The following ACTN1 variants were observed in gnomAD, a reference collection of about 807,000 sequenced individuals.
The protein encoded by ACTN1 is actinin alpha 1.
Under a neutral mutation model 119.6 loss-of-function variants are expected in ACTN1, and 30 were observed. The ratio of observed to expected loss-of-function variants is 0.25; its 90% CI spans 0.19 to 0.34. The LOEUF is 0.34. ACTN1 is among the 10% of genes least tolerant of loss of function. The pLI is 1.00. For missense variants in ACTN1, 764 were observed against 1,223.4 expected (o/e 0.62, Z 5.60); for synonymous variants, 429 against 472.6 (o/e 0.91, Z 1.20).
At chr14:68,942,161 G>A (rs182205638) in intron 1 of ACTN1, among the ~76,000 whole-genome samples, 17 of 152,244 alleles carry the variant, frequency 1.1e-4, no homozygotes, top group African/African-American at 2.4e-5. Context: ...ACACTCCCAG[G>A]GAGCAGAACT....
In ACTN1 at chr14:68,925,336, TTTTTTA is replaced by T. The variant is rs1447357234; in HGVS notation, c.220+216_220+221del. The stretch of plus-strand genomic sequence containing the variant: ...TCAAACCCTTTTTTTTTTTTTTTTT[TTTTTTA>T]AAACAAACAAGGATGCTGAAACAAA... On this transcript the variant is annotated intron_variant, in intron 2 of 21. Transcript: ENST00000394419. This position sits in a 1 kb window ranked among gnomAD's most constrained non-coding sequence, Gnocchi z 4.3. Among the ~76,000 whole-genome samples, 1,045 of 149,364 alleles carry T rather than the reference TTTTTTA, an allele frequency of 7.0e-3. 10 individuals carry two copies. The highest frequency in any genetic ancestry group is 0.025 in the African/African-American group (981 of 39,652).
At chr14:68,924,332 TA>T (rs368774036) in intron 2 of ACTN1, among the ~76,000 whole-genome samples, 1,920 of 151,570 alleles carry the variant, frequency 0.013, 37 homozygotes, top group African/African-American at 0.044. Context: ...AAACTACTTT[TA>T]AAAAAAAAGG....
At chr14:68,924,427 C>G (rs941930315) in intron 2 of ACTN1, among the ~76,000 whole-genome samples, 2 of 152,208 alleles carry the variant, frequency 1.3e-5, no homozygotes, top group African/African-American at 4.8e-5. Context: ...GCCCCCACCC[C>G]ACAACTGGCA....
Position 68,925,534 on chromosome 14 carries a change from G to C in ACTN1, c.220+24C>G. ...AGGCAGCACCAATAGACAGTATCTC[G>C]TCCTGGGCCAGGTTCCGCCTCACCT... is the stretch of plus-strand genomic sequence containing the variant. On this transcript the variant is annotated intron_variant, in intron 2 of 21. Coordinates refer to ENST00000394419, the MANE Select transcript of ACTN1 (RefSeq NM_001130004.2). The surrounding 1 kb of genome is among the most constrained non-coding windows in gnomAD (Gnocchi z 4.3). The C allele has an allele frequency of 5.7e-6, 9 of 1,591,874 alleles. No individual in the cohort carries two copies. The highest frequency in any genetic ancestry group is 4.3e-6 in the Non-Finnish European group (5 of 1,162,998).
At chr14:68,899,180 C>T (rs2033116032) in intron 8 of ACTN1, among the ~76,000 whole-genome samples, 1 of 146,016 alleles carries the variant, frequency 6.8e-6, no homozygotes, top group Non-Finnish European at 1.5e-5. Flanking sequence ...TCACACCCTA[C>T]ACCTCACACC....
intron 1 of ACTN1, among the ~76,000 whole-genome samples, chr14:68,959,375 G>A (rs1427577542): frequency 1.3e-5 from 2 of 152,202 alleles, no homozygotes; most frequent in African/African-American, 4.8e-5. Flanking sequence ...TGTGTTCCAT[G>A]AAACTAATAC....
intron 3 of ACTN1, among the ~76,000 whole-genome samples, chr14:68,915,149 TA>T (rs1280200451): frequency 6.6e-6 from 1 of 152,092 alleles, no homozygotes. Flanking sequence ...CACCCTCTGC[TA>T]AAAAACCTCC....
chr14:68,877,395 G>A lies in ACTN1; in HGVS notation c.2428-155C>T, dbSNP rs557113033. The stretch of plus-strand genomic sequence containing the variant: ...CTGGGTTGTCCTAAGGGTATGATGG[G>A]GACACAACACCCAACAGGGGAGACC... On this transcript the variant is annotated intron_variant, in intron 20 of 21. Transcript: ENST00000394419. The A allele has an allele frequency of 8.2e-6, 7 of 852,614 alleles. No individual in the cohort carries two copies. In the East Asian group the frequency reaches 1.6e-4, roughly 20 times the overall value. The allele number at this position is 852,614 out of a possible 1,614,324, so 52.8% of individuals were successfully genotyped here.
rs149584688 is a variant in ACTN1 at position 68,945,018 on chromosome 14, T to A, written c.106-19346A>T. On this transcript the variant is annotated intron_variant, in intron 1 of 21. Transcript: ENST00000394419. ...CCTGTCTCTACTAAAAATACAAAAT[T>A]AGCTGGGTGTGGTGGCACGTGCCCA... Among the ~76,000 whole-genome samples, 578 of 151,884 alleles carry A rather than the reference T, an allele frequency of 3.8e-3. 1 individual carries two copies. The highest frequency in any genetic ancestry group is 0.013 in the African/African-American group (546 of 41,404).
intron 2 of ACTN1, chr14:68,921,327 CTCT>C: frequency 1.9e-6 from 1 of 531,168 alleles, no homozygotes; most frequent in Non-Finnish European, 3.1e-6. Flanking sequence ...TCTACCCTGC[CTCT>C]TCTTTCTTCT....
intron 1 of ACTN1, among the ~76,000 whole-genome samples, chr14:68,944,331 G>A (rs1425834935): frequency 2.6e-5 from 4 of 152,206 alleles, no homozygotes; most frequent in Admixed American, 6.5e-5. Context: ...GGACTGGCCC[G>A]ATGTTGGCAG....
In ACTN1 at chr14:68,978,428, C is replaced by A. The variant is rs574319232; in HGVS notation, c.105+524G>T. 1,295 of 347,328 alleles carry A rather than the reference C, an allele frequency of 3.7e-3. 28 individuals are homozygous for A. The highest frequency in any genetic ancestry group is 0.023 in the South Asian group (1,082 of 47,850). 21.5% of individuals were successfully genotyped at this position (347,328 alleles called of 1,614,324 possible). A position where few individuals can be genotyped will look rare whatever the true frequency, so the allele number is the denominator to read the frequency against. ...GGCAGATCCGGAGGCGGCCGCCGATCTCTCCGGCGCTCTCCCCTCCGCCTA... is the reference window on the plus strand; with the variant it reads ...GGCAGATCCGGAGGCGGCCGCCGATATCTCCGGCGCTCTCCCCTCCGCCTA... On this transcript the variant is annotated intron_variant, in intron 1 of 21. Coordinates refer to ENST00000394419, the MANE Select transcript of ACTN1 (RefSeq NM_001130004.2).
chr14:68,945,028 T>C (rs1164831855), intron 1 of ACTN1, among the ~76,000 whole-genome samples: 1 of 151,234 alleles, frequency 6.6e-6, no homozygotes, highest in African/African-American at 2.4e-5. Flanking sequence ...TAGCTGGGTG[T>C]GGTGGCACGT....
chr14:68,927,692 T>C (rs1029297913), intron 1 of ACTN1, among the ~76,000 whole-genome samples: 18 of 152,196 alleles, frequency 1.2e-4, no homozygotes, highest in Non-Finnish European at 1.3e-4. Flanking sequence ...GAAGCGTATG[T>C]ACCAAGCATC....
chr14:68,876,006 GTTTTT>G (rs200096340), intron 21 of ACTN1, among the ~76,000 whole-genome samples: 1 of 151,848 alleles, frequency 6.6e-6, no homozygotes, highest in African/African-American at 2.4e-5. Context: ...ATTCTTTAAG[GTTTTT>G]TTTAAGACGG....
rs79348051 is a variant in ACTN1, at chr14:68,919,672, T to C, written c.340+1334A>G. On this transcript the variant is annotated intron_variant, in intron 3 of 21. Coordinates refer to ENST00000394419, the MANE Select transcript of ACTN1 (RefSeq NM_001130004.2). ...AGATGCTGGAATCCATAAGGCACCT[T>C]GCGTGACCACCTTGGGCACTGGCCT... is the stretch of plus-strand genomic sequence containing the variant. Among the ~76,000 whole-genome samples, 1,206 of 152,248 alleles carry C rather than the reference T, an allele frequency of 7.9e-3. 14 individuals are homozygous for C. The highest frequency in any genetic ancestry group is 0.028 in the African/African-American group (1,157 of 41,534).
At chr14:68,898,598 T>C (rs1290188689) in intron 8 of ACTN1, among the ~76,000 whole-genome samples, 1 of 151,176 alleles carries the variant, frequency 6.6e-6, no homozygotes, top group Non-Finnish European at 1.5e-5. Context: ...TCAGCAAGAG[T>C]CCTTCTCCTC....
intron 3 of ACTN1, among the ~76,000 whole-genome samples, chr14:68,913,128 G>A (rs1213138144): frequency 6.6e-6 from 1 of 152,182 alleles, no homozygotes; most frequent in African/African-American, 2.4e-5. Flanking sequence ...TTTAGTCTAA[G>A]CAGCACCTTT....
intron 1 of ACTN1, among the ~76,000 whole-genome samples, chr14:68,959,916 C>G (rs143375732): frequency 6.6e-6 from 1 of 152,182 alleles, no homozygotes; most frequent in Non-Finnish European, 1.5e-5. Context: ...TGACTATAAG[C>G]CTTACCTATA....
Sources: gnomAD v4.1 joint callset for allele counts (sites outside exome capture counted in the v4.1 genomes callset) on GRCh38, gnomAD v4.1.1 for gene constraint, Gnocchi (gnomAD v3.1) non-coding constraint, MANE v1.5 for transcripts, NCBI Gene and HGNC (gene_info 2026-07-23, HGNC 2026-07-21) for gene names.